Variants in PTPRD observed in about 807,000 individuals in gnomAD.
PTPRD encodes protein tyrosine phosphatase receptor type D.
A neutral mutation model predicts 214.5 loss-of-function variants in PTPRD; 34 were observed. The observed-to-expected ratio is 0.16, with a 90% CI of 0.12 to 0.21. The LOEUF is 0.21. Ranked by LOEUF, PTPRD falls within the 10% of genes least tolerant of loss-of-function variation. The pLI, the probability that PTPRD is intolerant of heterozygous loss-of-function variation, is 1.00. For missense variants in PTPRD, 2,545 were observed against 2,398.7 expected (o/e 1.06, Z -1.27); for synonymous variants, 1,128 against 845.7 (o/e 1.33, Z -5.79).
Position 10,449,464 on chromosome 9 carries a change from G to A in PTPRD, c.-599-108447C>T, listed in dbSNP as rs553277813. Reference sequence around the variant, plus strand: ...GCAGCCTCCGCCCGGCGGCCACCCCGTCTGGGAAGTGAGGAGCCTCTCTGC... The same window carrying A: ...GCAGCCTCCGCCCGGCGGCCACCCCATCTGGGAAGTGAGGAGCCTCTCTGC... On this transcript the variant is annotated intron_variant, in intron 2 of 45. Transcript: ENST00000381196. Among the ~76,000 whole-genome samples, 740 of 151,478 alleles carry A rather than the reference G, an allele frequency of 4.9e-3. 18 individuals carry two copies. Among genetic ancestry groups the A allele is most frequent in the African/African-American group, 0.017 (697 of 40,868 alleles).
intron 8 of PTPRD, among the ~76,000 whole-genome samples, chr9:9,524,070 G>T (rs544913650): frequency 1.3e-5 from 2 of 152,244 alleles, no homozygotes; most frequent in Admixed American, 6.5e-5. Context: ...TGAACTGTGG[G>T]TTTCTAGGCT....
intron 4 of PTPRD, among the ~76,000 whole-genome samples, chr9:9,970,183 G>C (rs547297393): frequency 1.3e-5 from 2 of 152,226 alleles, no homozygotes; most frequent in Admixed American, 6.5e-5. Flanking sequence ...AGACATGTTT[G>C]CATTTTAAAA....
At chr9:9,113,937 A>C (rs1439059358) in intron 10 of PTPRD, among the ~76,000 whole-genome samples, 1 of 152,160 alleles carries the variant, frequency 6.6e-6, no homozygotes, top group Non-Finnish European at 1.5e-5. Flanking sequence ...TTTGGAGCAA[A>C]AGAGTATGAG....
At chr9:10,479,656 A>AATACATAAATAC (rs2099084918) in intron 2 of PTPRD, among the ~76,000 whole-genome samples, 1 of 147,568 alleles carries the variant, frequency 6.8e-6, no homozygotes, top group Non-Finnish European at 1.5e-5. Context: ...TAAATAAATA[A>AATACATAAATAC]ATAAACAAAA....
chr9:9,695,817 A>T (rs928431649), intron 7 of PTPRD, among the ~76,000 whole-genome samples: 7 of 151,994 alleles, frequency 4.6e-5, no homozygotes, highest in Admixed American at 1.3e-4. Context: ...TTTGTTGAGG[A>T]TGTTTACATC....
intron 9 of PTPRD, among the ~76,000 whole-genome samples, chr9:9,245,356 C>T (rs2099972531): frequency 6.6e-6 from 1 of 152,098 alleles, no homozygotes; most frequent in Non-Finnish European, 1.5e-5. Context: ...ATAGTAAAGA[C>T]TTGGAACCAA....
chr9:9,818,788 C>G (rs1383921100), intron 5 of PTPRD, among the ~76,000 whole-genome samples: 1 of 151,384 alleles, frequency 6.6e-6, no homozygotes, highest in Admixed American at 6.6e-5. Flanking sequence ...TAGTGGTGTG[C>G]GCCTGTAATC....
At chr9:10,320,082 T>TA (rs1215904372) in intron 3 of PTPRD, among the ~76,000 whole-genome samples, 1 of 152,064 alleles carries the variant, frequency 6.6e-6, no homozygotes, top group African/African-American at 2.4e-5. Flanking sequence ...CTTTACATGT[T>TA]ATAGATTTCA....
At chr9:9,601,456 T>C (rs1355717256) in intron 7 of PTPRD, among the ~76,000 whole-genome samples, 2 of 152,036 alleles carry the variant, frequency 1.3e-5, no homozygotes, top group African/African-American at 4.8e-5. Flanking sequence ...TATAAACATA[T>C]AAACAATACA....
chr9:9,886,554 T>C (rs897853517), intron 5 of PTPRD, among the ~76,000 whole-genome samples: 4 of 152,130 alleles, frequency 2.6e-5, no homozygotes, highest in East Asian at 3.9e-4. Context: ...AAAATGACTG[T>C]ACCAATATCT....
chr9:8,693,375 C>A (rs1026742035), intron 12 of PTPRD, among the ~76,000 whole-genome samples: 1 of 152,144 alleles, frequency 6.6e-6, no homozygotes, highest in African/African-American at 2.4e-5. Flanking sequence ...TGTTGACGTA[C>A]GCCAATGAAA....
At chr9:8,532,445 G>C (rs2075954447) in intron 14 of PTPRD, among the ~76,000 whole-genome samples, 1 of 151,958 alleles carries the variant, frequency 6.6e-6, no homozygotes, top group Non-Finnish European at 1.5e-5. Context: ...GTGGTACCAG[G>C]AACTTGGGAA....
At chr9:8,985,919 C>A (rs2099342242) in intron 11 of PTPRD, among the ~76,000 whole-genome samples, 1 of 152,040 alleles carries the variant, frequency 6.6e-6, no homozygotes, top group South Asian at 2.1e-4. Context: ...TTCTTCTTTT[C>A]CATTAGCTAA....
chr9:9,711,979 CA>C (rs1400770466), intron 7 of PTPRD, among the ~76,000 whole-genome samples: 3 of 152,298 alleles, frequency 2.0e-5, no homozygotes, highest in African/African-American at 7.2e-5. Flanking sequence ...CATTCTGATG[CA>C]TGAATGTACA....
intron 5 of PTPRD, among the ~76,000 whole-genome samples, chr9:9,917,095 T>C (rs751724443): frequency 7.6e-6 from 1 of 131,336 alleles, no homozygotes; most frequent in Non-Finnish European, 1.6e-5. Flanking sequence ...AATAAATGTC[T>C]ACATCAAAAA....
intron 35 of PTPRD, among the ~76,000 whole-genome samples, chr9:8,422,113 C>T (rs1162160224): frequency 1.8e-5 from 2 of 113,000 alleles, no homozygotes; most frequent in Non-Finnish European, 3.3e-5. Flanking sequence ...TGCCACTGCA[C>T]TTCAGCCTGG....
At chr9:10,080,214 A>G (rs2098212694) in intron 3 of PTPRD, among the ~76,000 whole-genome samples, 2 of 152,176 alleles carry the variant, frequency 1.3e-5, no homozygotes, top group Admixed American at 6.6e-5. Flanking sequence ...CATCACCATT[A>G]TAGCTGGTAG....
intron 10 of PTPRD, among the ~76,000 whole-genome samples, chr9:9,157,155 A>G (rs1263989789): frequency 2.0e-5 from 3 of 152,230 alleles, no homozygotes; most frequent in Non-Finnish European, 4.4e-5. Flanking sequence ...AATTTATAGC[A>G]ATAAATGCCT....
At chr9:8,612,599 G>T (rs1360734842) in intron 14 of PTPRD, among the ~76,000 whole-genome samples, 2 of 152,220 alleles carry the variant, frequency 1.3e-5, no homozygotes, top group Non-Finnish European at 2.9e-5. Flanking sequence ...AGAAGAATAA[G>T]TTAATGAAAA....
Sources: allele counts gnomAD v4.1 joint callset (sites outside exome capture counted in the v4.1 genomes callset), GRCh38; gene constraint gnomAD v4.1.1; transcripts MANE v1.5; gene names NCBI Gene and HGNC (gene_info 2026-07-23, HGNC 2026-07-21).